The following FOXN3 variants were observed in gnomAD, a reference collection of about 807,000 sequenced individuals.
FOXN3 encodes the protein forkhead box protein N3.
FOXN3 carries 7 observed loss-of-function variants against 38.4 expected under a neutral mutation model. That is an observed-to-expected ratio of 0.18 (90% confidence interval 0.10 to 0.34). The LOEUF is 0.34. Among genes scored for constraint, FOXN3 ranks in the 10% least tolerant of loss-of-function variants. The pLI, the probability that FOXN3 is intolerant of heterozygous loss-of-function variation, is 1.00. For synonymous variants in FOXN3, 230 were observed against 242.2 expected (o/e 0.95, Z 0.47); for missense variants, 456 against 613.4 (o/e 0.74, Z 2.71).
At chr14:89,594,212 T>C (rs188259159) in intron 1 of FOXN3, among the ~76,000 whole-genome samples, 30 of 152,372 alleles carry the variant, frequency 2.0e-4, no homozygotes, top group African/African-American at 7.0e-4. Context: ...CACTTTTCCA[T>C]TGTGCCTGTA....
intron 1 of FOXN3, among the ~76,000 whole-genome samples, chr14:89,574,354 T>A (rs1895555469): frequency 6.6e-6 from 1 of 152,212 alleles, no homozygotes; most frequent in Non-Finnish European, 1.5e-5. Flanking sequence ...GACATATTCG[T>A]TCCATGGTTC....
chr14:89,174,909 C>A (rs73321211), intron 5 of FOXN3, among the ~76,000 whole-genome samples: 21 of 152,304 alleles, frequency 1.4e-4, no homozygotes, highest in African/African-American at 4.6e-4. Flanking sequence ...CAAAGGCCAA[C>A]AGGTGTTTGG....
intron 2 of FOXN3, among the ~76,000 whole-genome samples, chr14:89,380,351 T>C (rs1890608779): frequency 1.3e-5 from 2 of 152,178 alleles, no homozygotes; most frequent in South Asian, 4.2e-4. Context: ...CCTCTTTCCT[T>C]TATAAATTAC....
chr14:89,192,190 C>T (rs1379136248), intron 4 of FOXN3, among the ~76,000 whole-genome samples: 1 of 145,962 alleles, frequency 6.9e-6, no homozygotes, highest in Non-Finnish European at 1.5e-5. Context: ...AATATATTAA[C>T]TACAATGCAC....
chr14:89,378,653 G>A (rs1890554518), intron 2 of FOXN3, among the ~76,000 whole-genome samples: 1 of 151,236 alleles, frequency 6.6e-6, no homozygotes, highest in Admixed American at 6.6e-5. Flanking sequence ...ATAAAAACTA[G>A]GAAGAAAGGA....
intron 1 of FOXN3, among the ~76,000 whole-genome samples, chr14:89,469,301 C>T (rs1893044838): frequency 3.9e-5 from 6 of 152,144 alleles, no homozygotes; most frequent in Admixed American, 3.3e-4. Flanking sequence ...CCTGCCTCCT[C>T]CCCTCTCCAA....
At chr14:89,551,751 A>AT (rs951081604) in intron 1 of FOXN3, among the ~76,000 whole-genome samples, 2 of 152,144 alleles carry the variant, frequency 1.3e-5, no homozygotes, top group African/African-American at 2.4e-5. Flanking sequence ...CTTGTGGAAC[A>AT]AAGGCCTGGT....
chr14:89,535,824 A>G (rs199836871), intron 1 of FOXN3, among the ~76,000 whole-genome samples: 1 of 152,334 alleles, frequency 6.6e-6, no homozygotes, highest in African/African-American at 2.4e-5. Context: ...TCTTCAGAAG[A>G]ACTCCCCAAA....
intron 2 of FOXN3, among the ~76,000 whole-genome samples, chr14:89,378,650 C>G (rs770376860): frequency 6.6e-6 from 1 of 151,124 alleles, no homozygotes; most frequent in African/African-American, 2.4e-5. Flanking sequence ...CAAATAAAAA[C>G]TAGGAAGAAA....
chr14:89,330,652 C>T (rs1385643502), intron 3 of FOXN3, among the ~76,000 whole-genome samples: 3 of 152,214 alleles, frequency 2.0e-5, no homozygotes, highest in Admixed American at 6.5e-5. Flanking sequence ...AAACCATAAA[C>T]GATGTTTTTC....
chr14:89,280,915 G>T (rs1222840872), intron 4 of FOXN3, 35 bp downstream of exon 4: 1 of 1,577,680 alleles, frequency 6.3e-7, no homozygotes, highest in Admixed American at 1.7e-5. Context: ...GTGGGTGAGG[G>T]GGAGGGAGAG....
chr14:89,298,901 T>C (rs1193402381), intron 3 of FOXN3, among the ~76,000 whole-genome samples: 2 of 152,204 alleles, frequency 1.3e-5, no homozygotes, highest in East Asian at 3.8e-4. Flanking sequence ...TTCCTCTTGT[T>C]GGGTAGAATA....
intron 4 of FOXN3, among the ~76,000 whole-genome samples, chr14:89,188,125 G>A (rs1323691937): frequency 1.3e-5 from 2 of 151,988 alleles, no homozygotes; most frequent in Non-Finnish European, 2.9e-5. Flanking sequence ...AGCGGTAATA[G>A]CCTTCTAAAA....
At chr14:89,541,439 C>A (rs1050175141) in intron 1 of FOXN3, among the ~76,000 whole-genome samples, 25 of 152,156 alleles carry the variant, frequency 1.6e-4, no homozygotes, top group Non-Finnish European at 2.8e-4. Context: ...CCACAGGGAC[C>A]TCTGGTCCTC....
chr14:89,354,431 G>A (rs1167466202), intron 2 of FOXN3, among the ~76,000 whole-genome samples: 2 of 150,596 alleles, frequency 1.3e-5, no homozygotes, highest in Non-Finnish European at 3.0e-5. Flanking sequence ...TCTCCATGTT[G>A]GCCAGGCTGG....
intron 1 of FOXN3, among the ~76,000 whole-genome samples, chr14:89,564,626 C>T (rs779643153): frequency 4.6e-5 from 7 of 152,140 alleles, no homozygotes; most frequent in African/African-American, 9.7e-5. Flanking sequence ...AAACCTTACC[C>T]GACCTCACCT....
intron 3 of FOXN3, among the ~76,000 whole-genome samples, chr14:89,325,073 C>T (rs537734289): frequency 3.9e-5 from 6 of 152,304 alleles, no homozygotes; most frequent in African/African-American, 1.2e-4. Flanking sequence ...CTGGGTGCAT[C>T]TCAGGTGCTC....
intron 3 of FOXN3, among the ~76,000 whole-genome samples, chr14:89,291,779 C>T (rs565771167): frequency 3.0e-4 from 45 of 152,312 alleles, no homozygotes; most frequent in African/African-American, 1.1e-3. Flanking sequence ...GATTGACCTA[C>T]GGCCGGATTT....
chr14:89,358,249 A>C (rs1482437994), intron 2 of FOXN3, among the ~76,000 whole-genome samples: 1 of 152,184 alleles, frequency 6.6e-6, no homozygotes, highest in Non-Finnish European at 1.5e-5. Context: ...TCCATAGTTC[A>C]CTGCCCACTG....
Sources: gnomAD v4.1 joint callset for allele counts (sites outside exome capture counted in the v4.1 genomes callset) on GRCh38, gnomAD v4.1.1 for gene constraint, MANE v1.5 for transcripts, NCBI Gene and HGNC (gene_info 2026-07-23, HGNC 2026-07-21) for gene names.